The following STAG1 variants were observed in gnomAD, a reference collection of about 807,000 sequenced individuals.
STAG1 encodes the protein STAG1 cohesin complex component.
In STAG1, 26 loss-of-function variants were observed where a neutral mutation model predicts 170.9. The observed-to-expected ratio is 0.15, with a 90% CI of 0.11 to 0.21. The LOEUF (loss-of-function observed/expected upper bound fraction) is 0.21. Ranked by LOEUF, STAG1 falls within the 10% of genes least tolerant of loss-of-function variation. The probability of loss-of-function intolerance (pLI) is 1.00; values close to 1 mark genes in which losing one functional copy is unlikely to be tolerated. For missense variants in STAG1, 964 were observed against 1,509.5 expected, an observed-to-expected ratio of 0.64 and a Z score of 5.99; for synonymous variants, 514 against 497.7, an observed-to-expected ratio of 1.03 and a Z score of -0.44.
chr3:136,377,543 A>C (rs1313011075), intron 23 of STAG1, 117 bp downstream of exon 23: 2 of 721,972 alleles, frequency 2.8e-6, no homozygotes, highest in Middle Eastern at 3.1e-4. Flanking sequence ...TTCCAGGTCC[A>C]GTAAATGTTA....
chr3:136,389,811 C>T (rs544296447), intron 22 of STAG1, among the ~76,000 whole-genome samples: 3 of 150,826 alleles, frequency 2.0e-5, no homozygotes, highest in African/African-American at 7.3e-5. Flanking sequence ...TGAGCCACCG[C>T]ACCTGGCCTT....
intron 5 of STAG1, among the ~76,000 whole-genome samples, chr3:136,545,540 A>T (rs938680366): frequency 1.3e-5 from 2 of 152,206 alleles, no homozygotes; most frequent in African/African-American, 4.8e-5. Context: ...TATACCAGAA[A>T]TGTAGAACTT....
At chr3:136,712,659 T>A (rs762195448) in intron 1 of STAG1, among the ~76,000 whole-genome samples, 21 of 152,236 alleles carry the variant, frequency 1.4e-4, no homozygotes, top group Non-Finnish European at 2.6e-4. Flanking sequence ...AATTCTCACA[T>A]GCTGCTGTTG....
At chr3:136,527,238 T>A (rs1054142139) in intron 6 of STAG1, among the ~76,000 whole-genome samples, 1 of 152,188 alleles carries the variant, frequency 6.6e-6, no homozygotes, top group African/African-American at 2.4e-5. Flanking sequence ...ACCAATCAGA[T>A]GTAGATTTGG....
chr3:136,510,760 C>T (rs994281455), intron 7 of STAG1, among the ~76,000 whole-genome samples: 9 of 151,926 alleles, frequency 5.9e-5, no homozygotes, highest in East Asian at 3.9e-4. Context: ...TACAGGTGCA[C>T]GCCACCATGC....
intron 15 of STAG1, among the ~76,000 whole-genome samples, chr3:136,439,525 T>C (rs1044041891): frequency 2.6e-5 from 4 of 151,864 alleles, no homozygotes; most frequent in African/African-American, 4.8e-5. Flanking sequence ...TCCCAAAATT[T>C]AGTCCTACAT....
chr3:136,422,382 A>G, intron 19 of STAG1, 28 bp downstream of exon 19: 1 of 1,586,638 alleles, frequency 6.3e-7, no homozygotes, highest in Non-Finnish European at 8.7e-7. Context: ...CAATATTATT[A>G]TATGTACACA....
In STAG1 at chr3:136,465,912, T is replaced by C. The variant is rs189589643; in HGVS notation, c.1206-924A>G. On this transcript the variant is annotated intron_variant, in intron 12 of 33. Transcript: ENST00000383202. ...AAAGAAATCCAGCTGAGCATGGCAG[T>C]GCATGCCTGCCATCCCAGCTACTTG... 1.1e-3 allele frequency among the ~76,000 whole-genome samples: 166 copies of C among 152,252 alleles called. 1 individual carries two copies. Among genetic ancestry groups the C allele is most frequent in the African/African-American group, 3.9e-3 (163 of 41,552 alleles).
intron 9 of STAG1, among the ~76,000 whole-genome samples, chr3:136,498,298 CACACACACAT>C (rs1933266849): frequency 7.2e-6 from 1 of 139,756 alleles, no homozygotes; most frequent in African/African-American, 2.7e-5. Context: ...CACACACACA[CACACACACAT>C]ATATATACAC....
chr3:136,576,894 G>A (rs1037222694), intron 4 of STAG1, among the ~76,000 whole-genome samples: 7 of 152,164 alleles, frequency 4.6e-5, no homozygotes, highest in African/African-American at 1.2e-4. Context: ...GAGTAGATTC[G>A]TTTGCTTTGG....
Position 136,343,935 on chromosome 3 carries a change from G to A in STAG1, c.3343C>T (p.Pro1115Ser). ...MIQTPGPLPA[P>S]QLTSTVLREN... The stretch of plus-strand genomic sequence containing the variant: ...CGCAGTACAGTGGATGTGAGTTGTG[G>A]TGCTGGCAGGGGGCCAGGAGTCTGA... The change falls in exon 30 of 34, where the codon CCA becomes TCA. Residue 1115 changes from proline (P) to serine (S), a missense_variant. Transcript: ENST00000383202. 3 of 1,612,470 alleles carry A rather than the reference G, an allele frequency of 1.9e-6. No homozygotes were observed. The South Asian group carries it at 3.3e-5, about 18-fold the overall frequency.
intron 13 of STAG1, among the ~76,000 whole-genome samples, chr3:136,461,088 T>C (rs556446680): frequency 6.6e-6 from 1 of 152,248 alleles, no homozygotes; most frequent in East Asian, 1.9e-4. Context: ...ACAAAACTCA[T>C]ATGACCCTCT....
chr3:136,621,829 T>C (rs1939863785), intron 3 of STAG1, among the ~76,000 whole-genome samples: 1 of 151,968 alleles, frequency 6.6e-6, no homozygotes, highest in Non-Finnish European at 1.5e-5. Flanking sequence ...TTAAGCAACA[T>C]AACCATCAGT....
chr3:136,661,116 C>CCTAG (rs1941564274), intron 1 of STAG1, among the ~76,000 whole-genome samples: 1 of 152,134 alleles, frequency 6.6e-6, no homozygotes, highest in Non-Finnish European at 1.5e-5. Flanking sequence ...CATAGCAATG[C>CCTAG]CTAGGTATGG....
chr3:136,435,692 G>A (rs1267381197), intron 15 of STAG1, among the ~76,000 whole-genome samples: 4 of 150,364 alleles, frequency 2.7e-5, no homozygotes, highest in South Asian at 2.1e-4. Context: ...TTTTTGAGAC[G>A]GCATTTCACT....
chr3:136,594,321 A>AT, intron 4 of STAG1, among the ~76,000 whole-genome samples: 1 of 152,310 alleles, frequency 6.6e-6, no homozygotes, highest in South Asian at 2.1e-4. Context: ...AGAAGAAACC[A>AT]ATGTCACTAT....
chr3:136,479,061 T>A (rs1185970183), intron 9 of STAG1, among the ~76,000 whole-genome samples: 1 of 12,408 alleles, frequency 8.1e-5, no homozygotes, highest in Non-Finnish European at 2.0e-4. Context: ...ATAATCTTTC[T>A]TTTTTTTTTT....
chr3:136,713,983 C>T (rs780070604), intron 1 of STAG1, among the ~76,000 whole-genome samples: 1 of 151,358 alleles, frequency 6.6e-6, no homozygotes, highest in Non-Finnish European at 1.5e-5. Context: ...AAGATCGTGC[C>T]GTTGCACTCC....
chr3:136,555,697 ATCAATCAG>A (rs1271196758), intron 5 of STAG1, among the ~76,000 whole-genome samples: 97 of 151,952 alleles, frequency 6.4e-4, no homozygotes, highest in African/African-American at 2.3e-3. Flanking sequence ...CAATCAATCA[ATCAATCAG>A]TCAATCAATC....
Sources: gnomAD v4.1 joint callset for allele counts (sites outside exome capture counted in the v4.1 genomes callset) on GRCh38, gnomAD v4.1.1 for gene constraint, MANE v1.5 for transcripts, NCBI Gene and HGNC (gene_info 2026-07-23, HGNC 2026-07-21) for gene names.